Variants in PHF3 observed in about 807,000 individuals in gnomAD.
The protein encoded by PHF3 is PHD finger protein 3.
In PHF3, 41 loss-of-function variants were observed where a neutral mutation model predicts 178.4. That is an observed-to-expected ratio of 0.23 (90% confidence interval 0.18 to 0.30). The LOEUF (loss-of-function observed/expected upper bound fraction) is 0.30. Ranked by LOEUF, PHF3 falls within the 10% of genes least tolerant of loss-of-function variation. The pLI is 1.00. For synonymous variants in PHF3, 842 were observed against 800.5 expected (o/e 1.05, Z -0.88); for missense variants, 2,346 against 2,398.1 (o/e 0.98, Z 0.45).
rs146391248 is a variant in PHF3, at chr6:63,694,734, A to C, written c.2650A>C (p.Thr884Pro). 1 of 1,548,936 alleles carries C rather than the reference A, an allele frequency of 6.5e-7. No homozygotes were observed. Among genetic ancestry groups the C allele is most frequent in the African/African-American group, 1.4e-5 (1 of 72,276 alleles). Residue 884 changes from threonine to proline, a missense_variant, in exon 6 of 16, where the codon ACT becomes CCT. Around this residue, in one of 8 missense-constraint regions of PHF3, gnomAD observed 252 missense variants for 232.0 expected, o/e 1.09. Transcript: ENST00000262043. ...EKIPKESTTV[T>P]CTGEKASKPG... ...AATACCGAAAGAGTCTACAACTGTT[A>C]CTTGCACAGGAGAAAAAGCTTCAAA...
At chr6:63,661,670 G>A (rs941461082) in intron 2 of PHF3, among the ~76,000 whole-genome samples, 2 of 152,098 alleles carry the variant, frequency 1.3e-5, no homozygotes, top group Non-Finnish European at 2.9e-5. Context: ...CTTTCAAACA[G>A]CCTACCTTGG....
chr6:63,638,537 T>G (rs1408245121), intron 1 of PHF3, among the ~76,000 whole-genome samples: 1 of 152,022 alleles, frequency 6.6e-6, no homozygotes, highest in African/African-American at 2.4e-5. Flanking sequence ...AGTGAGATAA[T>G]GAGATTTTTT....
intron 3 of PHF3, 95 bp from the exon 4 acceptor site, chr6:63,684,034 C>A: frequency 1.0e-6 from 1 of 963,628 alleles, no homozygotes; most frequent in Non-Finnish European, 1.6e-6. Context: ...AATTATAGCT[C>A]AGAATAAAGA....
intron 2 of PHF3, among the ~76,000 whole-genome samples, chr6:63,652,607 C>A (rs1483800939): frequency 1.3e-5 from 2 of 152,072 alleles, no homozygotes; most frequent in Non-Finnish European, 2.9e-5. Flanking sequence ...AAAATTTTTG[C>A]ACAGACCAAT....
intron 4 of PHF3, 103 bp from the exon 5 acceptor site, chr6:63,691,634 G>GT: frequency 1.0e-6 from 1 of 1,004,842 alleles, no homozygotes. Flanking sequence ...AACATGCAAA[G>GT]TTTCAGAAAA....
In PHF3 at chr6:63,721,683, C is replaced by T. The variant is rs1768400035; in HGVS notation, c.*7975C>T. 2.6e-6 allele frequency: 4 copies of T among 1,551,312 alleles called. No individual in the cohort carries two copies. The highest frequency in any genetic ancestry group is 3.5e-6 in the Non-Finnish European group (4 of 1,146,720). ...AACTCTTCCTGCTTTTATTATATGC[C>T]AAGTACTTCCGTTTATAGTTACTTT... On this transcript the variant is annotated 3_prime_UTR_variant, in exon 16 of 16. Coordinates refer to ENST00000262043, the MANE Select transcript of PHF3 (RefSeq NM_001370348.2).
At position 63,725,491 on chromosome 6, in the gene PHF3, T is replaced by G. The variant is rs1768580135; in HGVS notation, c.*11783T>G. ...CTGAAGCTGATTGTCTTTTAATGTC[T>G]CTTGATTTATAAATAGAAAATTTAT... On this transcript the variant is annotated 3_prime_UTR_variant, in exon 16 of 16. Coordinates refer to ENST00000262043, the MANE Select transcript of PHF3 (RefSeq NM_001370348.2). Among the ~76,000 whole-genome samples the G allele has an allele frequency of 6.6e-6, 1 of 152,150 alleles. No homozygotes were observed. Among genetic ancestry groups the G allele is most frequent in the South Asian group, 2.1e-4 (1 of 4,836 alleles).
chr6:63,663,258 G>T (rs1256949481), intron 2 of PHF3, among the ~76,000 whole-genome samples: 1 of 152,176 alleles, frequency 6.6e-6, no homozygotes, highest in Non-Finnish European at 1.5e-5. Context: ...GGGATCTCAA[G>T]ATGAGACTGG....
intron 2 of PHF3, among the ~76,000 whole-genome samples, chr6:63,678,239 AAACAAAAAAC>A (rs933279973): frequency 1.2e-4 from 18 of 152,156 alleles, no homozygotes; most frequent in East Asian, 5.8e-4. Flanking sequence ...AAAGAAAAAA[AAACAAAAAAC>A]AACAAAAAAC....
intron 2 of PHF3, among the ~76,000 whole-genome samples, chr6:63,653,155 T>G (rs900531176): frequency 7.9e-6 from 1 of 127,122 alleles, no homozygotes; most frequent in Non-Finnish European, 1.6e-5. Context: ...TGTTGGCTAG[T>G]TTTTTTTTTT....
chr6:63,710,270 T>C (rs1221706324), intron 14 of PHF3, among the ~76,000 whole-genome samples: 1 of 152,210 alleles, frequency 6.6e-6, no homozygotes, highest in Non-Finnish European at 1.5e-5. Flanking sequence ...TCCACACATA[T>C]ATTACTGCCC....
chr6:63,645,824 T>C (rs965018386), intron 1 of PHF3, among the ~76,000 whole-genome samples: 1 of 152,162 alleles, frequency 6.6e-6, no homozygotes, highest in African/African-American at 2.4e-5. Flanking sequence ...TAAATCTAAA[T>C]ACATGATGTA....
rs1195096508 is a variant in PHF3, at chr6:63,706,595, GA to G, written c.3564-131del. 6.4e-5 allele frequency: 44 copies of G among 687,634 alleles called. No individual in the cohort carries two copies. The East Asian group carries it at 1.2e-3, about 19-fold the overall frequency. The allele number at this position is 687,634 out of a possible 1,614,324, so 42.6% of individuals were successfully genotyped here. On this transcript the variant is annotated intron_variant, in intron 12 of 15. Coordinates refer to ENST00000262043, the MANE Select transcript of PHF3 (RefSeq NM_001370348.2). ...AAATATGAATGTAATTTTATAAAAT[GA>G]AAGTGTGAACTCTTTGTCAATAGCC...
At position 63,706,110 on chromosome 6, in the gene PHF3, A is replaced by C. The variant is rs569584948; in HGVS notation, c.3449A>C (p.Asn1150Thr). 6.2e-7 allele frequency: 1 copy of C among 1,613,984 alleles called. No individual in the cohort carries two copies. Among genetic ancestry groups the C allele is most frequent in the East Asian group, 2.2e-5 (1 of 44,852 alleles). Residue 1150 changes from asparagine to threonine, a missense_variant, in exon 12 of 16, where the codon AAT (asparagine) becomes ACT (threonine). Physicochemically the swap from Asn to Thr is moderately conservative, Grantham distance 65. Transcript: ENST00000262043. ...GGAGTAGCTCGCAAACATTCAGACAATGAAGCAGAAAGTATAGCAGATGCA... is the reference window on the plus strand; with the variant it reads ...GGAGTAGCTCGCAAACATTCAGACACTGAAGCAGAAAGTATAGCAGATGCA... ...VVGVARKHSD[N>T]EAESIADALS...
rs968000667 is a variant in PHF3 at position 63,720,766 on chromosome 6, C to T, written c.*7058C>T. On this transcript the variant is annotated 3_prime_UTR_variant, in exon 16 of 16. Transcript: ENST00000262043. ...TTTACCTTTCTACCATATTCAAAGC[C>T]CCCTAGATAACAAATGCCATCATAG... 2.6e-6 allele frequency: 4 copies of T among 1,550,492 alleles called. No individual in the cohort carries two copies. In the African/African-American group the frequency reaches 5.5e-5, roughly 21 times the overall value.
chr6:63,682,357 C>G (rs1766475610), intron 3 of PHF3, among the ~76,000 whole-genome samples: 1 of 152,140 alleles, frequency 6.6e-6, no homozygotes, highest in South Asian at 2.1e-4. Flanking sequence ...TTTGCCAACA[C>G]TGCCAGCCTA....
chr6:63,653,179 A>AT (rs1264899834), intron 2 of PHF3, among the ~76,000 whole-genome samples: 10 of 61,466 alleles, frequency 1.6e-4, no homozygotes, highest in African/African-American at 5.2e-4. Context: ...GGTTCTGTGT[A>AT]TTGTTTTTTT....
rs954846280 is a variant in PHF3, at chr6:63,722,103, A to T, written c.*8395A>T. Among the ~76,000 whole-genome samples, 1 of 152,140 alleles carries T rather than the reference A, an allele frequency of 6.6e-6. No individual in the cohort carries two copies. The highest frequency in any genetic ancestry group is 1.5e-5 in the Non-Finnish European group (1 of 68,024). On this transcript the variant is annotated 3_prime_UTR_variant, in exon 16 of 16. Coordinates refer to ENST00000262043, the MANE Select transcript of PHF3 (RefSeq NM_001370348.2). The stretch of plus-strand genomic sequence containing the variant: ...CAAATGAAAGCCTGTTCCTTATGAT[A>T]CCATTTAATGGCATTCACTATTGTC...
At chr6:63,678,406 C>G (rs1218223770) in intron 2 of PHF3, among the ~76,000 whole-genome samples, 1 of 152,064 alleles carries the variant, frequency 6.6e-6, no homozygotes, top group Non-Finnish European at 1.5e-5. Context: ...GCATATTCTC[C>G]TCCAAACTTT....
Sources: gnomAD v4.1 joint callset for allele counts (sites outside exome capture counted in the v4.1 genomes callset) on GRCh38, gnomAD v4.1.1 for gene constraint, gnomAD v4.1.1 regional missense constraint, MANE v1.5 for transcripts, NCBI Gene and HGNC (gene_info 2026-07-23, HGNC 2026-07-21) for gene names.